Variants in DNAJA2 observed in about 807,000 individuals in gnomAD.
DNAJA2 encodes dnaJ homolog subfamily A member 2.
A neutral mutation model predicts 49.3 loss-of-function variants in DNAJA2; 6 were observed. The observed-to-expected ratio is 0.12, with a 90% CI of 0.07 to 0.24. The LOEUF is 0.24. Among genes scored for constraint, DNAJA2 ranks in the 10% least tolerant of loss-of-function variants. The probability of loss-of-function intolerance (pLI) is 1.00; values close to 1 mark genes in which losing one functional copy is unlikely to be tolerated. For synonymous variants in DNAJA2, 160 were observed against 172.7 expected (o/e 0.93, Z 0.58); for missense variants, 347 against 516.8 (o/e 0.67, Z 3.19).
intron 2 of DNAJA2, 88 bp from the exon 3 acceptor site, chr16:46,971,660 C>CAAAAAAAAA: frequency 5.8e-6 from 1 of 172,704 alleles, no homozygotes; most frequent in East Asian, 1.1e-4. Flanking sequence ...CCATTTAATT[C>CAAAAAAAAA]TAAAAAAAAA....
chr16:46,971,242 T>G, intron 3 of DNAJA2, 107 bp downstream of exon 3: 1 of 911,922 alleles, frequency 1.1e-6, no homozygotes. Flanking sequence ...AATGGAAGTT[T>G]TTCTAATGAA....
At chr16:46,973,473 C>T (rs779573428) in intron 1 of DNAJA2, 22 bp downstream of exon 1, 2 of 1,588,546 alleles carry the variant, frequency 1.3e-6, no homozygotes, top group South Asian at 1.1e-5. Context: ...CCCTCACACC[C>T]GCCCGGCCCG....
At chr16:46,959,181 ATTTT>A in intron 7 of DNAJA2, 51 bp from the exon 8 acceptor site, 1 of 1,572,110 alleles carries the variant, frequency 6.4e-7, no homozygotes. Flanking sequence ...GAGGTGTTCA[ATTTT>A]TTTTAGAGTT....
At chr16:46,973,104 G>T (rs767547431) in intron 1 of DNAJA2, among the ~76,000 whole-genome samples, 46 of 152,144 alleles carry the variant, frequency 3.0e-4, no homozygotes, top group Non-Finnish European at 5.9e-4. Context: ...TCTCGGGGCC[G>T]GGATGCGCTG....
chr16:46,969,478 G>GA (rs1465439072), intron 3 of DNAJA2, among the ~76,000 whole-genome samples: 1 of 152,138 alleles, frequency 6.6e-6, no homozygotes, highest in African/African-American at 2.4e-5. Context: ...CTAAGCCAGA[G>GA]AAAAATACAC....
rs184218814 is a variant in DNAJA2, at chr16:46,962,284, C to T, written c.774+2327G>A. Among the ~76,000 whole-genome samples the T allele has an allele frequency of 5.3e-5, 8 of 152,186 alleles. No individual in the cohort carries two copies. In the South Asian group the frequency reaches 6.2e-4, roughly 12 times the overall value. On this transcript the variant is annotated intron_variant, in intron 6 of 8. Coordinates refer to ENST00000317089, the MANE Select transcript of DNAJA2 (RefSeq NM_005880.4). ...GTCCTTTGCCTCCAAATCCAATGAT[C>T]TACTTTTAAAAACCCAATTTAATTA...
At chr16:46,967,675 T>A (rs1236087814) in intron 4 of DNAJA2, 29 bp from the exon 5 acceptor site, 4 of 1,613,620 alleles carry the variant, frequency 2.5e-6, no homozygotes, top group African/African-American at 2.7e-5. Context: ...ATGCATTAGG[T>A]TTTTGTCCAC....
intron 1 of DNAJA2, chr16:46,972,750 G>A (rs988785362): frequency 6.6e-6 from 1 of 152,230 alleles, no homozygotes; most frequent in Non-Finnish European, 1.5e-5. Context: ...GAAATCCTGA[G>A]ATGAAAGATA....
At chr16:46,967,934 C>G in intron 4 of DNAJA2, 150 bp downstream of exon 4, 1 of 813,782 alleles carries the variant, frequency 1.2e-6, no homozygotes, top group Non-Finnish European at 1.9e-6. Context: ...CCACCCGACT[C>G]GGCCTCCCAA....
chr16:46,964,696 C>T lies in DNAJA2; in HGVS notation c.689G>A (p.Arg230Lys). 1 of 1,614,194 alleles carries T rather than the reference C, an allele frequency of 6.2e-7. No individual in the cohort carries two copies. The highest frequency in any genetic ancestry group is 8.5e-7 in the Non-Finnish European group (1 of 1,180,032). Residue 230 changes from arginine (R) to lysine (K), a missense_variant, in exon 6 of 9, where the codon AGA becomes AAA. Physicochemically the swap from Arg to Lys is conservative, Grantham distance 26. Coordinates refer to ENST00000317089, the MANE Select transcript of DNAJA2 (RefSeq NM_005880.4). Reference protein sequence around the residue: ...HVDKGMKHGQRITFTGEADQA... With the variant: ...HVDKGMKHGQKITFTGEADQA... ...GTCTGCTTCCCCAGTGAATGTAATT[C>T]TCTGTCCATGTTTCATGCCTTTGTC...
intron 5 of DNAJA2, among the ~76,000 whole-genome samples, chr16:46,966,710 A>C (rs902334947): frequency 2.6e-5 from 4 of 152,236 alleles, no homozygotes; most frequent in African/African-American, 9.6e-5. Flanking sequence ...CACAAAGACT[A>C]AATTATTTAC....
rs754752738 is a variant in DNAJA2 at position 46,968,148 on chromosome 16, G to T, written c.379C>A (p.Leu127Met). 3.1e-6 allele frequency: 5 copies of T among 1,603,090 alleles called. No individual in the cohort carries two copies. In the East Asian group the frequency reaches 9.0e-5, roughly 29 times the overall value. ...AGTTTGGTTGTCTTGCCATTATACA[G>T]ATCTTCTAAAGATACTCTGGAAAGA... ...MHPLKVSLED[L>M]YNGKTTKLQL... The change falls in exon 4 of 9, where the codon CTG becomes ATG. Residue 127 changes from leucine to methionine, a missense_variant. Coordinates refer to ENST00000317089, the MANE Select transcript of DNAJA2 (RefSeq NM_005880.4).
chr16:46,973,583 C>A lies in DNAJA2; in HGVS notation c.-11G>T. ...AGCCACGTTAGCCATGGCGGCCGGC[C>A]GGGCAGTGCTCGGGGAGAAGGTGGC... is the stretch of plus-strand genomic sequence containing the variant. On this transcript the variant is annotated 5_prime_UTR_variant, in exon 1 of 9. Transcript: ENST00000317089. 6.3e-7 allele frequency: 1 copy of A among 1,591,034 alleles called. No individual in the cohort carries two copies. The highest frequency in any genetic ancestry group is 8.5e-7 in the Non-Finnish European group (1 of 1,174,340).
Position 46,959,124 on chromosome 16 carries a change from A to C in DNAJA2, c.926T>G (p.Val309Gly). The change falls in exon 8 of 9, where the codon GTT (valine) becomes GGT (glycine). Residue 309 changes from valine (V) to glycine (G), a missense_variant. Physicochemically the swap from Val to Gly is moderately radical, Grantham distance 109. Transcript: ENST00000317089. ...PPGKVIEPGC[V>G]RVVRGEGMPQ... ...CATCCCTTCACCTCGAACTACACGA[A>C]CACACCCTATTATTTAAGAGGAAAT... 1 of 1,603,190 alleles carries C rather than the reference A, an allele frequency of 6.2e-7. No homozygotes were observed. The highest frequency in any genetic ancestry group is 8.5e-7 in the Non-Finnish European group (1 of 1,175,010).
At chr16:46,960,784 GA>G (rs1166161257) in intron 6 of DNAJA2, among the ~76,000 whole-genome samples, 1 of 149,912 alleles carries the variant, frequency 6.7e-6, no homozygotes, top group African/African-American at 2.5e-5. Flanking sequence ...ATCTCAATAA[GA>G]AAAAAATAAA....
At chr16:46,962,259 GTC>G (rs1461458508) in intron 6 of DNAJA2, among the ~76,000 whole-genome samples, 5 of 152,112 alleles carry the variant, frequency 3.3e-5, no homozygotes, top group Non-Finnish European at 7.4e-5. Flanking sequence ...CAGACCTTAA[GTC>G]CTTTGCCTCC....
In DNAJA2 at chr16:46,968,186, T is replaced by C. The variant is rs201915309; in HGVS notation, c.363-22A>G. 3.9e-6 allele frequency: 6 copies of C among 1,554,812 alleles called. No homozygotes were observed. The Admixed American group carries it at 1.3e-4, about 33-fold the overall frequency. On this transcript the variant is annotated intron_variant, in intron 3 of 8. Coordinates refer to ENST00000317089, the MANE Select transcript of DNAJA2 (RefSeq NM_005880.4). ...TACTCTGGAAAGAAAAGAATCGGCT[T>C]CAATCAAATTTTGCCACATTTTGTC...
rs1961802628 is a variant in DNAJA2 at position 46,955,924 on chromosome 16, T to G, written c.*1105A>C. 6.6e-6 allele frequency: 1 copy of G among 152,202 alleles called. No individual in the cohort carries two copies. Among genetic ancestry groups the G allele is most frequent in the Non-Finnish European group, 1.5e-5 (1 of 68,030 alleles). 9.4% of individuals were successfully genotyped at this position (152,202 alleles called of 1,614,324 possible). On this transcript the variant is annotated 3_prime_UTR_variant, in exon 9 of 9. Coordinates refer to ENST00000317089, the MANE Select transcript of DNAJA2 (RefSeq NM_005880.4). ...CAATGCATATTTCAGTTGCCTTCAT[T>G]CTTAAATTCTGAATAAGCATCTTAC... is the stretch of plus-strand genomic sequence containing the variant.
At chr16:46,965,200 G>A (rs1402846837) in intron 5 of DNAJA2, among the ~76,000 whole-genome samples, 4 of 152,030 alleles carry the variant, frequency 2.6e-5, no homozygotes, top group Non-Finnish European at 5.9e-5. Flanking sequence ...ACAGTGTGAG[G>A]CCATGTCTCA....
Sources: gnomAD v4.1 joint callset for allele counts (sites outside exome capture counted in the v4.1 genomes callset) on GRCh38, gnomAD v4.1.1 for gene constraint, MANE v1.5 for transcripts, NCBI Gene and HGNC (gene_info 2026-07-23, HGNC 2026-07-21) for gene names.